The following MCF2L variants were observed in gnomAD, a reference collection of about 807,000 sequenced individuals.
The protein encoded by MCF2L is guanine nucleotide exchange factor DBS.
MCF2L carries 97 observed loss-of-function variants against 153.4 expected under a neutral mutation model. That is an observed-to-expected ratio of 0.63 (90% CI 0.54 to 0.75). The LOEUF (loss-of-function observed/expected upper bound fraction) is 0.75, where lower values mean the gene tolerates loss of function less well. MCF2L is among the 30% of genes least tolerant of loss of function. The pLI is 0.00. For synonymous variants in MCF2L, 659 were observed against 632.2 expected (o/e 1.04, Z -0.64); for missense variants, 1,347 against 1,495.2 (o/e 0.90, Z 1.64).
chr13:112,902,290 G>A, exon 2 of MCF2L: 1 of 1,612,906 alleles, frequency 6.2e-7, no homozygotes, highest in East Asian at 2.2e-5. Flanking sequence ...GGCCAAAAAG[G>A]AGGAAACGGA....
At chr13:112,926,071 C>G (rs190928504) in intron 2 of MCF2L, among the ~76,000 whole-genome samples, 1 of 152,216 alleles carries the variant, frequency 6.6e-6, no homozygotes, top group Non-Finnish European at 1.5e-5. Flanking sequence ...GATATGGGAT[C>G]GGTCACAGAT....
chr13:112,909,041 A>G (rs780978838), intron 2 of MCF2L, among the ~76,000 whole-genome samples: 1 of 152,148 alleles, frequency 6.6e-6, no homozygotes, highest in East Asian at 1.9e-4. Context: ...ATGTTTATCC[A>G]TGCTGCTCTC....
rs2034622577 is a variant in MCF2L, at chr13:113,086,225, C to T, written c.2349C>T (p.His783=). 1 of 1,610,050 alleles carries T rather than the reference C, an allele frequency of 6.2e-7. No individual in the cohort carries two copies. Among genetic ancestry groups the T allele is most frequent in the African/African-American group, 1.3e-5 (1 of 74,666 alleles). ...TGAAGGCCGTGAACGACTCCATGCA[C>T]CTCATCGCTATCACCGGCTATGACG... The part of the protein sequence containing the change: ...GILKAVNDSM[H]LIAITGYDGN... Residue 783 remains histidine (H), a synonymous_variant, in exon 21 of 30, where the codon CAC becomes CAT. Coordinates refer to ENST00000535094, the MANE Select transcript of MCF2L (RefSeq NM_001112732.3).
At chr13:112,996,547 G>A (rs1164383263) in intron 1 of MCF2L, among the ~76,000 whole-genome samples, 2 of 152,210 alleles carry the variant, frequency 1.3e-5, no homozygotes, top group African/African-American at 4.8e-5. Context: ...GTCTGTTGGG[G>A]AAATGGTGTT....
chr13:112,912,746 C>G (rs545304033), intron 2 of MCF2L, among the ~76,000 whole-genome samples: 5 of 151,810 alleles, frequency 3.3e-5, no homozygotes, highest in African/African-American at 9.7e-5. Context: ...TGGCTTGTGT[C>G]TTTGTGTGGC....
At chr13:113,056,280 TGTGTTTGGGTGCTGA>T (rs1417338754) in intron 4 of MCF2L, among the ~76,000 whole-genome samples, 1 of 148,528 alleles carries the variant, frequency 6.7e-6, no homozygotes, top group Non-Finnish European at 1.5e-5. Context: ...TTGGGTGCTG[TGTGTTTGGGTGCTGA>T]GTGTTTGGGT....
At chr13:113,037,500 T>C (rs886989421) in intron 3 of MCF2L, among the ~76,000 whole-genome samples, 6 of 152,330 alleles carry the variant, frequency 3.9e-5, no homozygotes, top group African/African-American at 1.2e-4. Context: ...GTTACATTTG[T>C]CATCATTCAT....
At chr13:113,052,642 C>G (rs1007570562) in intron 4 of MCF2L, 6 of 159,914 alleles carry the variant, frequency 3.8e-5, no homozygotes, top group African/African-American at 1.4e-4. Context: ...GCAGCAGCCT[C>G]GTGTCTTTTT....
intron 2 of MCF2L, chr13:112,910,019 A>T (rs1432322839): frequency 1.3e-5 from 2 of 152,236 alleles, no homozygotes; most frequent in Non-Finnish European, 2.9e-5. Flanking sequence ...AGCAAATGAA[A>T]ACCTGGAAAA....
At chr13:113,005,734 A>G (rs1446937036) in intron 1 of MCF2L, among the ~76,000 whole-genome samples, 1 of 152,148 alleles carries the variant, frequency 6.6e-6, no homozygotes, top group African/African-American at 2.4e-5. Flanking sequence ...TGGGTATTCT[A>G]ACTGTAAAAG....
intron 1 of MCF2L, among the ~76,000 whole-genome samples, chr13:112,976,562 G>A (rs1341204677): frequency 2.0e-5 from 3 of 152,230 alleles, no homozygotes; most frequent in Non-Finnish European, 2.9e-5. Context: ...GGCTGTGGCG[G>A]ACGGCAGTGT....
At chr13:112,981,439 C>T (rs1319084234) in intron 1 of MCF2L, among the ~76,000 whole-genome samples, 1 of 152,212 alleles carries the variant, frequency 6.6e-6, no homozygotes, top group Non-Finnish European at 1.5e-5. Flanking sequence ...AGACATCGTC[C>T]ACGACATTCA....
Position 113,045,524 on chromosome 13 carries a change from G to A in MCF2L, c.369+163G>A. On this transcript the variant is annotated intron_variant, in intron 4 of 29. Coordinates refer to ENST00000535094, the MANE Select transcript of MCF2L (RefSeq NM_001112732.3). The surrounding 1 kb of genome is among the most constrained non-coding windows in gnomAD (Gnocchi z 4.2). ...CGGCGCCAAGGCCCCCCCTGCTTGG[G>A]CTCCCAAGGCACTGGTGCCTGGGTG... 1 of 635,910 alleles carries A rather than the reference G, an allele frequency of 1.6e-6. No individual in the cohort carries two copies. Among genetic ancestry groups the A allele is most frequent in the Non-Finnish European group, 2.8e-6 (1 of 356,362 alleles). The allele number at this position is 635,910 out of a possible 1,614,324, so 39.4% of individuals were successfully genotyped here. A position where few individuals can be genotyped will look rare whatever the true frequency, so the allele number is the denominator to read the frequency against.
intron 2 of MCF2L, among the ~76,000 whole-genome samples, chr13:112,947,365 C>G (rs980507543): frequency 6.6e-6 from 1 of 152,198 alleles, no homozygotes; most frequent in Non-Finnish European, 1.5e-5. Flanking sequence ...CATTCCAACA[C>G]CAACTCAAAA....
At chr13:113,033,428 ATGATGTGAGTGGCCCCCG>A (rs1230355827) in intron 3 of MCF2L, among the ~76,000 whole-genome samples, 1 of 24,630 alleles carries the variant, frequency 4.1e-5, no homozygotes, top group African/African-American at 1.8e-4. Flanking sequence ...AGTGGCCCCC[ATGATGTGAGTGGCCCCCG>A]TGATGTGAGT....
intron 1 of MCF2L, among the ~76,000 whole-genome samples, chr13:113,000,238 G>A (rs923067082): frequency 1.1e-4 from 17 of 152,230 alleles, no homozygotes; most frequent in Non-Finnish European, 2.1e-4. Flanking sequence ...GGCTCAGGGG[G>A]CAGCTCACAC....
At chr13:113,052,262 G>A (rs909163967) in intron 4 of MCF2L, among the ~76,000 whole-genome samples, 4 of 152,182 alleles carry the variant, frequency 2.6e-5, no homozygotes, top group African/African-American at 9.7e-5. Context: ...TGAGACCCGG[G>A]CTCGCTCAGC....
Position 113,082,558 on chromosome 13 carries a change from C to A in MCF2L, c.1991+16C>A. 6.5e-7 allele frequency: 1 copy of A among 1,533,168 alleles called. No homozygotes were observed. Among genetic ancestry groups the A allele is most frequent in the East Asian group, 2.3e-5 (1 of 44,292 alleles). 95.0% of individuals were successfully genotyped at this position (1,533,168 alleles called of 1,614,324 possible). A position where few individuals can be genotyped will look rare whatever the true frequency, so the allele number is the denominator to read the frequency against. On this transcript the variant is annotated intron_variant, in intron 17 of 29. Coordinates refer to ENST00000535094, the MANE Select transcript of MCF2L (RefSeq NM_001112732.3). ...TCCACAACAGGTGGGCCCTTCCCCCCGACACAGGCACGCACCCGTGATCTC... is the reference window on the plus strand; with the variant it reads ...TCCACAACAGGTGGGCCCTTCCCCCAGACACAGGCACGCACCCGTGATCTC...
chr13:113,078,067 A>G (rs1745959), intron 13 of MCF2L, among the ~76,000 whole-genome samples: 47,280 of 124,144 alleles, frequency 0.38, 11,664 homozygotes, highest in South Asian at 0.46. Flanking sequence ...TGTGGCCTCA[A>G]AGGCCAAGTC....
Sources: gnomAD v4.1 joint callset for allele counts (sites outside exome capture counted in the v4.1 genomes callset) on GRCh38, gnomAD v4.1.1 for gene constraint, Gnocchi (gnomAD v3.1) non-coding constraint, MANE v1.5 for transcripts, NCBI Gene and HGNC (gene_info 2026-07-23, HGNC 2026-07-21) for gene names.